Variants in SSU72 observed in about 807,000 individuals in gnomAD.
SSU72 encodes SSU72 homolog, RNA polymerase II CTD phosphatase.
Under a neutral mutation model 22.7 loss-of-function variants are expected in SSU72, and 12 were observed. The ratio of observed to expected loss-of-function variants is 0.53; its 90% CI spans 0.34 to 0.86. The LOEUF (loss-of-function observed/expected upper bound fraction) is 0.86. Ranked by LOEUF, SSU72 falls within the 40% of genes least tolerant of loss-of-function variation. SSU72 has a pLI of 0.02. For missense variants in SSU72, 151 were observed against 249.8 expected (o/e 0.60, Z 2.67); for synonymous variants, 116 against 98.3 (o/e 1.18, Z -1.06).
chr1:1,564,967 T>C (rs1001289021), intron 1 of SSU72, 51 bp from the exon 2 acceptor site: 17 of 1,536,656 alleles, frequency 1.1e-5, no homozygotes, highest in Non-Finnish European at 1.4e-5. Context: ...GACACAAAAT[T>C]CCAAAAGCAA....
intron 2 of SSU72, among the ~76,000 whole-genome samples, chr1:1,547,686 G>A (rs1043458462): frequency 1.1e-4 from 17 of 152,360 alleles, no homozygotes; most frequent in East Asian, 3.9e-4. Flanking sequence ...GACAGGAGCC[G>A]CTGGCGGGTG....
chr1:1,564,713 C>G, intron 2 of SSU72, 60 bp downstream of exon 2: 1 of 1,614,196 alleles, frequency 6.2e-7, no homozygotes, highest in Non-Finnish European at 8.5e-7. Context: ...CCGAGCCACA[C>G]GTAACACCTT....
chr1:1,551,483 A>G (rs1306790751), intron 2 of SSU72, among the ~76,000 whole-genome samples: 1 of 152,184 alleles, frequency 6.6e-6, no homozygotes, highest in Non-Finnish European at 1.5e-5. Context: ...TGAGAAGTAC[A>G]AAGTAAATTT....
chr1:1,571,574 T>C (rs1642731901), intron 1 of SSU72, among the ~76,000 whole-genome samples: 1 of 152,146 alleles, frequency 6.6e-6, no homozygotes, highest in African/African-American at 2.4e-5. Context: ...ATGAGTAAAT[T>C]TGAATGATGG....
intron 1 of SSU72, among the ~76,000 whole-genome samples, chr1:1,569,183 A>C (rs1168476659): frequency 2.6e-5 from 4 of 152,140 alleles, no homozygotes; most frequent in Non-Finnish European, 5.9e-5. Context: ...CAAAAAATAA[A>C]ATAAAAGAAA....
At chr1:1,552,054 G>A (rs1642461439) in intron 2 of SSU72, among the ~76,000 whole-genome samples, 2 of 152,214 alleles carry the variant, frequency 1.3e-5, no homozygotes, top group Admixed American at 6.5e-5. Flanking sequence ...GTGTGAGGCT[G>A]ACCAGCGTTC....
At chr1:1,573,385 G>A (rs1642762670) in intron 1 of SSU72, among the ~76,000 whole-genome samples, 1 of 147,640 alleles carries the variant, frequency 6.8e-6, no homozygotes, top group African/African-American at 2.5e-5. Flanking sequence ...AGCCGAGATC[G>A]CGCTACTGCA....
chr1:1,544,682 G>T, intron 3 of SSU72, 181 bp downstream of exon 3: 1 of 736,428 alleles, frequency 1.4e-6, no homozygotes, highest in Non-Finnish European at 2.3e-6. Flanking sequence ...GCTGCAGCCA[G>T]CACATGGGTG....
chr1:1,574,537 C>T lies in SSU72; in HGVS notation c.21G>A (p.Arg7=). ...GGTTGCTCGAGCACACCACCGCCAC[C>T]CGCAGCGGGGACGACGGCATGGCGG... is the stretch of plus-strand genomic sequence containing the variant. MPSSPL[R]VAVVCSSNQN... is the part of the protein sequence containing the mutation. The change falls in exon 1 of 5, where the codon CGG becomes CGA. Residue 7 remains arginine, a synonymous_variant. Coordinates refer to ENST00000291386, the MANE Select transcript of SSU72 (RefSeq NM_014188.3). The T allele has an allele frequency of 6.3e-7, 1 of 1,590,100 alleles. No homozygotes were observed.
intron 1 of SSU72, among the ~76,000 whole-genome samples, chr1:1,566,581 G>A (rs758282848): frequency 2.0e-4 from 31 of 152,172 alleles, no homozygotes; most frequent in South Asian, 2.1e-4. Context: ...GGCCGGGTGC[G>A]GTGGCTCACG....
Position 1,554,201 on chromosome 1 carries a change from GCGGA to G in SSU72, c.225-9203_225-9200del, listed in dbSNP as rs879411556. The stretch of plus-strand genomic sequence containing the variant: ...GGGTCCCCACGAAGCTGAGCACGAG[GCGGA>G]TCCGGACCACTAAGGGGTCCCCACG... On this transcript the variant is annotated intron_variant, in intron 2 of 4. Transcript: ENST00000291386. This position sits in a 1 kb window ranked among gnomAD's most constrained non-coding sequence, Gnocchi z 4.1. Among the ~76,000 whole-genome samples, 4,128 of 151,560 alleles carry G rather than the reference GCGGA, an allele frequency of 0.027. 91 individuals carry two copies. The highest frequency in any genetic ancestry group is 0.041 in the Non-Finnish European group (2,744 of 67,746).
At chr1:1,557,159 T>C (rs1454146166) in intron 2 of SSU72, among the ~76,000 whole-genome samples, 3 of 152,218 alleles carry the variant, frequency 2.0e-5, no homozygotes, top group African/African-American at 7.2e-5. Context: ...ACACCTGTAA[T>C]CCCAGGACTT....
At chr1:1,572,333 CAGG>C (rs1642741203) in intron 1 of SSU72, among the ~76,000 whole-genome samples, 2 of 144,878 alleles carry the variant, frequency 1.4e-5, no homozygotes, top group South Asian at 2.3e-4. Flanking sequence ...GAGGCTGAGG[CAGG>C]AGAATAGTGT....
chr1:1,564,734 C>T (rs774685308), intron 2 of SSU72, 39 bp downstream of exon 2: 2 of 1,614,222 alleles, frequency 1.2e-6, no homozygotes, highest in South Asian at 2.2e-5. Context: ...CCAGGGAGGA[C>T]CACACGGGGG....
At chr1:1,569,559 C>T (rs1007519357) in intron 1 of SSU72, among the ~76,000 whole-genome samples, 3 of 152,214 alleles carry the variant, frequency 2.0e-5, no homozygotes, top group Non-Finnish European at 4.4e-5. Context: ...GGCGCAGTCA[C>T]AGCTCACAGT....
chr1:1,542,800 T>C lies in SSU72; in HGVS notation c.484-633A>G, dbSNP rs3766178. Among the ~76,000 whole-genome samples the C allele has an allele frequency of 0.49, 74,583 of 151,538 alleles. 22,961 individuals are homozygous for C. Among genetic ancestry groups the C allele is most frequent in the East Asian group, 0.86 (4,392 of 5,096 alleles). Reference sequence around the variant, plus strand: ...CAATAACTTCTGGGACGACATTTTCTTATGACCTTTTCTCCTGCCAGGCGA... The same window carrying C: ...CAATAACTTCTGGGACGACATTTTCCTATGACCTTTTCTCCTGCCAGGCGA... On this transcript the variant is annotated intron_variant, in intron 4 of 4. Transcript: ENST00000291386. This position sits in a 1 kb window ranked among gnomAD's most constrained non-coding sequence, Gnocchi z 4.4.
In SSU72 at chr1:1,547,411, G is replaced by T. The variant is rs114576794; in HGVS notation, c.225-2409C>A. ...AGTTAAGGAGAAATGTCTACTTCAG[G>T]GACAAAGCAGCAGCCTCCTCAGCTA... On this transcript the variant is annotated intron_variant, in intron 2 of 4. Transcript: ENST00000291386. Among the ~76,000 whole-genome samples the T allele has an allele frequency of 2.4e-3, 367 of 152,334 alleles. 1 individual carries two copies. The highest frequency in any genetic ancestry group is 8.4e-3 in the African/African-American group (348 of 41,582).
intron 1 of SSU72, 150 bp downstream of exon 1, chr1:1,574,328 C>G (rs1642779810): frequency 2.7e-6 from 2 of 745,374 alleles, no homozygotes; most frequent in East Asian, 6.8e-5. Flanking sequence ...CGCGCGCTGC[C>G]GTCCAGCTGC....
At position 1,543,837 on chromosome 1, in the gene SSU72, C is replaced by T. The variant is rs1183481960; in HGVS notation, c.483+32G>A. On this transcript the variant is annotated intron_variant, in intron 4 of 4. Coordinates refer to ENST00000291386, the MANE Select transcript of SSU72 (RefSeq NM_014188.3). ...CGGTCACTCCCCTCTGTCACAACCTCTGCCCAGCGCGGCGCCCAGCCGGGT... is the reference window on the plus strand; with the variant it reads ...CGGTCACTCCCCTCTGTCACAACCTTTGCCCAGCGCGGCGCCCAGCCGGGT... 5.7e-6 allele frequency: 9 copies of T among 1,565,404 alleles called. No individual in the cohort carries two copies. In the East Asian group the frequency reaches 1.8e-4, roughly 31 times the overall value.
Sources: gnomAD v4.1 joint callset for allele counts (sites outside exome capture counted in the v4.1 genomes callset) on GRCh38, gnomAD v4.1.1 for gene constraint, Gnocchi (gnomAD v3.1) non-coding constraint, MANE v1.5 for transcripts, NCBI Gene and HGNC (gene_info 2026-07-23, HGNC 2026-07-21) for gene names.